FGF7: variants seen among roughly 807,000 people sequenced by gnomAD.
FGF7 encodes the protein fibroblast growth factor 7, also known as FGF-7.
In FGF7, 6 loss-of-function variants were observed where a neutral mutation model predicts 20.5. That is an observed-to-expected ratio of 0.29 (90% CI 0.16 to 0.58). FGF7 has a LOEUF of 0.58. Ranked by LOEUF, FGF7 falls within the 20% of genes least tolerant of loss-of-function variation. FGF7 has a pLI of 0.90. For synonymous variants in FGF7, 64 were observed against 74.7 expected (o/e 0.86, Z 0.74); for missense variants, 144 against 228.8 (o/e 0.63, Z 2.39).
At chr15:49,479,597 CTG>C (rs1567359078) in intron 2 of FGF7, among the ~76,000 whole-genome samples, 7 of 102,086 alleles carry the variant, frequency 6.9e-5, no homozygotes, top group South Asian at 3.2e-4. Flanking sequence ...GTTAATACCT[CTG>C]TTTTTTTTTT....
chr15:49,454,866 C>T (rs902849585), intron 2 of FGF7, among the ~76,000 whole-genome samples: 1 of 152,134 alleles, frequency 6.6e-6, no homozygotes, highest in Non-Finnish European at 1.5e-5. Context: ...GCCTCGGCCT[C>T]CCAAAGTGCT....
chr15:49,428,770 A>T (rs1360152619), intron 2 of FGF7, among the ~76,000 whole-genome samples: 1 of 152,018 alleles, frequency 6.6e-6, no homozygotes, highest in African/African-American at 2.4e-5. Context: ...ATTTCTTGTC[A>T]TAAATTGCCT....
intron 2 of FGF7, among the ~76,000 whole-genome samples, chr15:49,426,118 G>A (rs2050111722): frequency 6.6e-6 from 1 of 151,476 alleles, no homozygotes; most frequent in African/African-American, 2.4e-5. Flanking sequence ...TATGACACAT[G>A]GGGCAACTCC....
At chr15:49,465,990 C>T (rs2054235489) in intron 2 of FGF7, among the ~76,000 whole-genome samples, 2 of 152,262 alleles carry the variant, frequency 1.3e-5, no homozygotes, top group South Asian at 2.1e-4. Context: ...TTCAAATAGT[C>T]TACAACCTAG....
intron 2 of FGF7, among the ~76,000 whole-genome samples, chr15:49,472,877 C>T (rs866969798): frequency 1.3e-5 from 2 of 151,586 alleles, no homozygotes; most frequent in African/African-American, 4.8e-5. Context: ...TTGCTAATGA[C>T]AAATAAGAGA....
intron 2 of FGF7, among the ~76,000 whole-genome samples, chr15:49,440,321 AT>A (rs1416058367): frequency 6.6e-6 from 1 of 151,736 alleles, no homozygotes; most frequent in Non-Finnish European, 1.5e-5. Context: ...CAAAAAGTTG[AT>A]ATATTTCTTA....
chr15:49,449,175 C>G (rs1259858252), intron 2 of FGF7, among the ~76,000 whole-genome samples: 1 of 151,936 alleles, frequency 6.6e-6, no homozygotes, highest in East Asian at 1.9e-4. Context: ...GACTGCATTA[C>G]TAAGTCTAAG....
chr15:49,423,705 G>T (rs1467437259), intron 1 of FGF7, among the ~76,000 whole-genome samples: 1 of 152,152 alleles, frequency 6.6e-6, no homozygotes, highest in Admixed American at 6.6e-5. Flanking sequence ...AGTCTAGGGA[G>T]AAAGCAGTTA....
intron 2 of FGF7, among the ~76,000 whole-genome samples, chr15:49,457,551 C>T (rs1182491157): frequency 6.6e-6 from 1 of 151,746 alleles, no homozygotes; most frequent in Non-Finnish European, 1.5e-5. Context: ...TATCAAATTC[C>T]TTAGAGAACA....
chr15:49,447,708 T>C (rs1247273233), intron 2 of FGF7, among the ~76,000 whole-genome samples: 1 of 151,742 alleles, frequency 6.6e-6, no homozygotes, highest in African/African-American at 2.4e-5. Context: ...AATTCATGGA[T>C]AATTGTTAAT....
intron 2 of FGF7, among the ~76,000 whole-genome samples, chr15:49,479,604 T>G (rs2055714988): frequency 1.5e-5 from 1 of 68,380 alleles, no homozygotes; most frequent in South Asian, 5.0e-4. Flanking sequence ...CCTCTGTTTT[T>G]TTTTTTTTTT....
At chr15:49,451,019 T>C (rs1047682721) in intron 2 of FGF7, among the ~76,000 whole-genome samples, 2 of 152,228 alleles carry the variant, frequency 1.3e-5, no homozygotes, top group South Asian at 4.1e-4. Flanking sequence ...TGGGGAAATA[T>C]ATGTCTAAAA....
chr15:49,464,296 A>C (rs1413426726), intron 2 of FGF7, among the ~76,000 whole-genome samples: 1 of 152,198 alleles, frequency 6.6e-6, no homozygotes, highest in Non-Finnish European at 1.5e-5. Flanking sequence ...TATCATGTTG[A>C]GAATCACTGG....
rs117760788 is a variant in FGF7, at chr15:49,446,596, C to T, written c.286+22013C>T. 9.3e-3 allele frequency among the ~76,000 whole-genome samples: 1,399 copies of T among 151,088 alleles called. 26 individuals are homozygous for T. Among genetic ancestry groups the T allele is most frequent in the Non-Finnish European group, 0.015 (1,027 of 67,492 alleles). On this transcript the variant is annotated intron_variant, in intron 2 of 3. Coordinates refer to ENST00000267843, the MANE Select transcript of FGF7 (RefSeq NM_002009.4). Reference sequence around the variant, plus strand: ...GGAGGATTTCATAGAGGGTAAAGAGCTTTTTTAAAGAAGAGAACAAAATGT... The same window carrying T: ...GGAGGATTTCATAGAGGGTAAAGAGTTTTTTTAAAGAAGAGAACAAAATGT...
chr15:49,477,545 T>A (rs770260393), intron 2 of FGF7, among the ~76,000 whole-genome samples: 13 of 152,236 alleles, frequency 8.5e-5, no homozygotes, highest in Non-Finnish European at 1.6e-4. Context: ...AATATTCCAG[T>A]GTATACGTGT....
chr15:49,487,971 C>T lies in FGF7; in HGVS notation c.*3467C>T, dbSNP rs2056544374. ...ATTTGCCTCCCATAATCCAACTTTA[C>T]ACATAAATAACACAAGGCTAAAGAA... On this transcript the variant is annotated 3_prime_UTR_variant, in exon 4 of 4. Transcript: ENST00000267843. 1 of 151,898 alleles carries T rather than the reference C, an allele frequency of 6.6e-6. No homozygotes were observed. The highest frequency in any genetic ancestry group is 6.6e-5 in the Admixed American group (1 of 15,200). 9.4% of individuals were successfully genotyped at this position (151,898 alleles called of 1,614,324 possible).
chr15:49,450,049 A>G (rs1181614408), intron 2 of FGF7, among the ~76,000 whole-genome samples: 1 of 152,180 alleles, frequency 6.6e-6, no homozygotes, highest in Admixed American at 6.6e-5. Flanking sequence ...TCAGCAATGC[A>G]TGTGCCAAAG....
chr15:49,451,878 T>C (rs926746101), intron 2 of FGF7, among the ~76,000 whole-genome samples: 1 of 152,154 alleles, frequency 6.6e-6, no homozygotes, highest in African/African-American at 2.4e-5. Flanking sequence ...TCTTAGGAAT[T>C]ATTTTACATG....
At chr15:49,467,309 AT>A (rs2054355643) in intron 2 of FGF7, among the ~76,000 whole-genome samples, 1 of 152,034 alleles carries the variant, frequency 6.6e-6, no homozygotes, top group East Asian at 1.9e-4. Flanking sequence ...TCCCCCTTCA[AT>A]TTCACTCTTA....
Sources: allele counts gnomAD v4.1 joint callset (sites outside exome capture counted in the v4.1 genomes callset), GRCh38; gene constraint gnomAD v4.1.1; transcripts MANE v1.5; gene names NCBI Gene and HGNC (gene_info 2026-07-23, HGNC 2026-07-21).